Variants in PIP5K1C observed in about 807,000 individuals in gnomAD.
The protein encoded by PIP5K1C is phosphatidylinositol-4-phosphate 5-kinase type 1 gamma, also known as phosphatidylinositol 4-phosphate 5-kinase type-1 gamma.
In PIP5K1C, 45 loss-of-function variants were observed where a neutral mutation model predicts 80.1. The ratio of observed to expected loss-of-function variants is 0.56; its 90% CI spans 0.44 to 0.72. The LOEUF (loss-of-function observed/expected upper bound fraction) is 0.72. Ranked by LOEUF, PIP5K1C falls within the 30% of genes least tolerant of loss-of-function variation. PIP5K1C has a pLI of 0.00. For missense variants in PIP5K1C, 753 were observed against 954.6 expected (o/e 0.79, Z 2.78); for synonymous variants, 498 against 420.1 (o/e 1.19, Z -2.27).
At chr19:3,698,591 C>G (rs1221483870) in intron 1 of PIP5K1C, among the ~76,000 whole-genome samples, 2 of 152,214 alleles carry the variant, frequency 1.3e-5, no homozygotes, top group Non-Finnish European at 2.9e-5. Flanking sequence ...TCACAACTGG[C>G]AGGTGCTCCT....
intron 1 of PIP5K1C, among the ~76,000 whole-genome samples, chr19:3,698,144 T>C (rs1040211469): frequency 6.6e-6 from 1 of 152,168 alleles, no homozygotes; most frequent in Non-Finnish European, 1.5e-5. Context: ...CAGTGAGCGG[T>C]GACTCCAGAA....
rs2034987954 is a variant in PIP5K1C, at chr19:3,665,829, G to T, written c.127-915C>A. ...AAGGGACACAGAGGCCAACCAAGGA[G>T]AACAGCCCCGCCTGGCACCGTCATT... On this transcript the variant is annotated intron_variant, in intron 2 of 17. Coordinates refer to ENST00000335312, the MANE Select transcript of PIP5K1C (RefSeq NM_012398.3). Among the ~76,000 whole-genome samples the T allele has an allele frequency of 2.0e-5, 3 of 152,154 alleles. No individual in the cohort carries two copies. In the South Asian group the frequency reaches 6.2e-4, roughly 31 times the overall value.
chr19:3,681,927 G>A (rs779281055), intron 1 of PIP5K1C, among the ~76,000 whole-genome samples: 2 of 152,082 alleles, frequency 1.3e-5, no homozygotes, highest in African/African-American at 4.8e-5. Flanking sequence ...GATCCAAAGC[G>A]AACTCCTTCC....
At chr19:3,699,876 G>A (rs1002586109) in intron 1 of PIP5K1C, among the ~76,000 whole-genome samples, 12 of 152,220 alleles carry the variant, frequency 7.9e-5, no homozygotes, top group African/African-American at 2.9e-4. Context: ...TGAGGCCCAG[G>A]AAGGTGAGGA....
Position 3,642,906 on chromosome 19 carries a change from C to T in PIP5K1C, c.1682+1G>A. 6.2e-7 allele frequency: 1 copy of T among 1,613,144 alleles called. No homozygotes were observed. Among genetic ancestry groups the T allele is most frequent in the Non-Finnish European group, 8.5e-7 (1 of 1,179,596 alleles). On this transcript the variant is annotated splice_donor_variant, in intron 14 of 17. Transcript: ENST00000335312. LOFTEE classifies it high-confidence loss of function. Reference sequence around the variant, plus strand: ...AGGGAAGGAAGGGGGTTGGGTCTCACCTGCCATCCTGTCCAGACGACTGTG... The same window carrying T: ...AGGGAAGGAAGGGGGTTGGGTCTCATCTGCCATCCTGTCCAGACGACTGTG...
intron 9 of PIP5K1C, among the ~76,000 whole-genome samples, chr19:3,647,763 A>G (rs895619125): frequency 1.1e-4 from 17 of 152,312 alleles, no homozygotes; most frequent in African/African-American, 4.1e-4. Context: ...CCTGGCCAAC[A>G]TGGTGAAACC....
At chr19:3,693,409 C>A (rs1054817422) in intron 1 of PIP5K1C, among the ~76,000 whole-genome samples, 1 of 152,154 alleles carries the variant, frequency 6.6e-6, no homozygotes, top group Non-Finnish European at 1.5e-5. Context: ...CTCAGGGTGG[C>A]GGGGAGGCAG....
chr19:3,679,388 T>C (rs2035517271), intron 1 of PIP5K1C, among the ~76,000 whole-genome samples: 1 of 152,114 alleles, frequency 6.6e-6, no homozygotes, highest in African/African-American at 2.4e-5. Context: ...GTCCTCCCGT[T>C]TGGGTCTCAG....
intron 1 of PIP5K1C, among the ~76,000 whole-genome samples, chr19:3,678,882 A>AGGGATGGC (rs1287005129): frequency 6.4e-5 from 8 of 125,022 alleles, no homozygotes; most frequent in Non-Finnish European, 1.2e-4. Flanking sequence ...GGATGGAGGG[A>AGGGATGGC]GGGATGGCGG....
At chr19:3,684,456 A>T (rs538543555) in intron 1 of PIP5K1C, among the ~76,000 whole-genome samples, 27 of 152,328 alleles carry the variant, frequency 1.8e-4, no homozygotes, top group Admixed American at 1.5e-3. Context: ...CATGGGGGGA[A>T]TTCTTCCATC....
At chr19:3,695,331 C>G (rs909770383) in intron 1 of PIP5K1C, among the ~76,000 whole-genome samples, 2 of 152,198 alleles carry the variant, frequency 1.3e-5, no homozygotes, top group African/African-American at 4.8e-5. Context: ...AAGCAGCACA[C>G]GAAGGGGACT....
At chr19:3,681,082 C>G (rs1469978295) in intron 1 of PIP5K1C, among the ~76,000 whole-genome samples, 2 of 152,010 alleles carry the variant, frequency 1.3e-5, no homozygotes, top group East Asian at 3.9e-4. Context: ...CTGTTCGCCC[C>G]CCGCATCTGC....
Position 3,641,816 on chromosome 19 carries a change from G to A in PIP5K1C, c.1683-7C>T. ...GGGTGGCTCCTCCTGCGGCCTGCAG[G>A]CAATGGGAGGTTGTGCCTCGGTTTC... On this transcript the variant is annotated splice_region_variant and splice_polypyrimidine_tract_variant and intron_variant, in intron 14 of 17. Transcript: ENST00000335312. The A allele has an allele frequency of 1.2e-6, 2 of 1,608,380 alleles. No individual in the cohort carries two copies. The highest frequency in any genetic ancestry group is 1.7e-6 in the Non-Finnish European group (2 of 1,177,780).
chr19:3,673,050 T>A (rs1600051726), intron 1 of PIP5K1C, among the ~76,000 whole-genome samples: 1 of 68,802 alleles, frequency 1.5e-5, no homozygotes, highest in African/African-American at 5.8e-5. Flanking sequence ...CAGACAAGGG[T>A]CTCCCCAGGC....
At chr19:3,636,873 G>A in intron 16 of PIP5K1C, 1 of 994,548 alleles carries the variant, frequency 1.0e-6, no homozygotes, top group Non-Finnish European at 1.2e-6. Context: ...CTTGCTTATT[G>A]GTCATAATGA....
chr19:3,635,023 A>G (rs1351616295), intron 16 of PIP5K1C, among the ~76,000 whole-genome samples: 2 of 152,220 alleles, frequency 1.3e-5, no homozygotes, highest in Non-Finnish European at 2.9e-5. Context: ...AGAGCCCGGC[A>G]TGGGGAGCCT....
chr19:3,690,798 G>C (rs2035923463), intron 1 of PIP5K1C, among the ~76,000 whole-genome samples: 2 of 152,200 alleles, frequency 1.3e-5, no homozygotes, highest in African/African-American at 4.8e-5. Flanking sequence ...GACTGGGAAA[G>C]ACACAATCAT....
rs372282157 is a variant in PIP5K1C at position 3,636,114 on chromosome 19, G to A, written c.1921-2594C>T. ...GGAGGTTGCAGTGAGCTGAGATCAT[G>A]CCATTGCACTCCAGCCTGGGCGACA... On this transcript the variant is annotated intron_variant, in intron 16 of 17. Transcript: ENST00000335312. Among the ~76,000 whole-genome samples, 10 of 152,254 alleles carry A rather than the reference G, an allele frequency of 6.6e-5. No individual in the cohort carries two copies. In the South Asian group the frequency reaches 2.1e-3, roughly 32 times the overall value.
At chr19:3,651,168 T>TG (rs1372603925) in intron 8 of PIP5K1C, among the ~76,000 whole-genome samples, 3 of 150,490 alleles carry the variant, frequency 2.0e-5, no homozygotes, top group African/African-American at 7.3e-5. Context: ...CTGCCACGCC[T>TG]TCAGCCTCCC....
Sources: gnomAD v4.1 joint callset for allele counts (sites outside exome capture counted in the v4.1 genomes callset) on GRCh38, gnomAD v4.1.1 for gene constraint, MANE v1.5 for transcripts, NCBI Gene and HGNC (gene_info 2026-07-23, HGNC 2026-07-21) for gene names.